Variants in ARHGAP27 observed in about 807,000 individuals in gnomAD.
The protein encoded by ARHGAP27 is rho GTPase-activating protein 27.
In ARHGAP27, 53 loss-of-function variants were observed where a neutral mutation model predicts 102.0. That is an observed-to-expected ratio of 0.52 (90% CI 0.42 to 0.65). The LOEUF (loss-of-function observed/expected upper bound fraction) is 0.65, where lower values mean the gene tolerates loss of function less well. ARHGAP27 is among the 30% of genes least tolerant of loss of function. ARHGAP27 has a pLI of 0.00. For synonymous variants in ARHGAP27, 525 were observed against 542.8 expected (o/e 0.97, Z 0.46); for missense variants, 1,117 against 1,256.2 (o/e 0.89, Z 1.68).
intron 14 of ARHGAP27, 23 bp from the exon 15 acceptor site, chr17:45,396,813 T>C (rs1479714045): frequency 1.2e-6 from 2 of 1,608,522 alleles, no homozygotes; most frequent in South Asian, 2.2e-5. Flanking sequence ...AAGGCAGGAC[T>C]GAGTCAGGAG....
intron 4 of ARHGAP27, among the ~76,000 whole-genome samples, chr17:45,424,105 C>T (rs1277137884): frequency 6.6e-6 from 1 of 152,184 alleles, no homozygotes; most frequent in East Asian, 1.9e-4. Context: ...CCCTGCCCCC[C>T]TCCTTTCATG....
intron 4 of ARHGAP27, among the ~76,000 whole-genome samples, chr17:45,416,794 G>A (rs1340995691): frequency 6.7e-6 from 1 of 149,136 alleles, no homozygotes; most frequent in Non-Finnish European, 1.5e-5. Context: ...TGATTCACCC[G>A]CCTCAGCCTC....
chr17:45,402,731 T>C lies in ARHGAP27; in HGVS notation c.1726A>G (p.Arg576Gly), dbSNP rs762924863. 5 of 1,612,938 alleles carry C rather than the reference T, an allele frequency of 3.1e-6. No homozygotes were observed. The highest frequency in any genetic ancestry group is 4.2e-6 in the Non-Finnish European group (5 of 1,179,014). The change falls in exon 12 of 20, where the codon AGG (arginine) becomes GGG (glycine). Residue 576 changes from arginine to glycine, a missense_variant. Physicochemically the swap from Arg to Gly is moderately radical, Grantham distance 125 (BLOSUM62 -2). Around this residue, in one of 3 missense-constraint regions of ARHGAP27, gnomAD observed 493 missense variants for 505.5 expected, o/e 0.98. Coordinates refer to ENST00000685559, the MANE Select transcript of ARHGAP27 (RefSeq NM_001282290.2). ...CCACTCACCTCCAGCACATTCTTCC[T>C]ACTGGATTTGTCTTTGGGGGCCCAG... The part of the protein sequence containing the change: ...LSWAPKDKSS[R>G]KNVLELRSRD...
At chr17:45,398,092 T>G (rs1450709889) in intron 12 of ARHGAP27, 45 bp from the exon 13 acceptor site, 2 of 1,528,414 alleles carry the variant, frequency 1.3e-6, no homozygotes, top group East Asian at 2.3e-5. Flanking sequence ...ACCCTGGGTC[T>G]GCCCTGGGGG....
At chr17:45,413,895 C>T (rs2048170938) in intron 4 of ARHGAP27, among the ~76,000 whole-genome samples, 1 of 152,124 alleles carries the variant, frequency 6.6e-6, no homozygotes, top group Non-Finnish European at 1.5e-5. Context: ...CACTTGAGGT[C>T]AGGAGTTTCA....
At chr17:45,410,981 C>T (rs1448630490) in intron 4 of ARHGAP27, among the ~76,000 whole-genome samples, 1 of 152,088 alleles carries the variant, frequency 6.6e-6, no homozygotes. Flanking sequence ...TCTGTCTCCT[C>T]CAGACTCGGT....
At position 45,396,971 on chromosome 17, in the gene ARHGAP27, C is replaced by G. The variant is rs755970723; in HGVS notation, c.1896G>C (p.Ser632=). ...ESESSRVDFG[S]SERLGSWQEK... ...CCTGCCAGCTTCCCAAGCGCTCGCT[C>G]GACCCGAAGTCCACTCTGCTGCTCT... The change falls in exon 14 of 20, where the codon TCG becomes TCC. Residue 632 remains serine (S), a synonymous_variant. Coordinates refer to ENST00000685559, the MANE Select transcript of ARHGAP27 (RefSeq NM_001282290.2). 3 of 1,605,496 alleles carry G rather than the reference C, an allele frequency of 1.9e-6. No individual in the cohort carries two copies. Among genetic ancestry groups the G allele is most frequent in the Non-Finnish European group, 2.5e-6 (3 of 1,179,962 alleles).
chr17:45,403,634 C>G lies in ARHGAP27; in HGVS notation c.1623G>C (p.Ser541=). ...CTGGCCTTACCAGGCCGCCTGCAGC[C>G]GAGGTCTTTGAGTCCTTGAAGAATG... ...VLTFFKDSKT[S]AAGGLRQPSK... The change falls in exon 11 of 20, where the codon TCG becomes TCC. Residue 541 remains serine (S), a synonymous_variant. Coordinates refer to ENST00000685559, the MANE Select transcript of ARHGAP27 (RefSeq NM_001282290.2). The G allele has an allele frequency of 6.2e-7, 1 of 1,613,926 alleles. No homozygotes were observed. The highest frequency in any genetic ancestry group is 8.5e-7 in the Non-Finnish European group (1 of 1,179,994).
rs373775213 is a variant in ARHGAP27 at position 45,403,640 on chromosome 17, C to G, written c.1617G>C (p.Lys539Asn). The G allele has an allele frequency of 1.2e-6, 2 of 1,613,880 alleles. No individual in the cohort carries two copies. The highest frequency in any genetic ancestry group is 1.7e-6 in the Non-Finnish European group (2 of 1,180,002). Reference protein sequence around the residue: ...GGVLTFFKDSKTSAAGGLRQP... With the variant: ...GGVLTFFKDSNTSAAGGLRQP... Reference sequence around the variant, plus strand: ...TTACCAGGCCGCCTGCAGCCGAGGTCTTTGAGTCCTTGAAGAATGTCAGGA... The same window carrying G: ...TTACCAGGCCGCCTGCAGCCGAGGTGTTTGAGTCCTTGAAGAATGTCAGGA... The change falls in exon 11 of 20, where the codon AAG becomes AAC. Residue 539 changes from lysine to asparagine, a missense_variant. By Grantham distance (94) the Lys-to-Asn change is moderately conservative. Coordinates refer to ENST00000685559, the MANE Select transcript of ARHGAP27 (RefSeq NM_001282290.2).
chr17:45,403,864 G>C (rs2046780974), intron 10 of ARHGAP27, 155 bp from the exon 11 acceptor site: 1 of 989,950 alleles, frequency 1.0e-6, no homozygotes, highest in African/African-American at 1.6e-5. Context: ...TAGCAGCCGA[G>C]GGACCTTGAG....
Position 45,429,853 on chromosome 17 carries a change from G to T in ARHGAP27, c.427C>A (p.Leu143Met). 1 of 1,346,148 alleles carries T rather than the reference G, an allele frequency of 7.4e-7. No individual in the cohort carries two copies. The allele number at this position is 1,346,148 out of a possible 1,614,324, so 83.4% of individuals were successfully genotyped here. A position where few individuals can be genotyped will look rare whatever the true frequency, so the allele number is the denominator to read the frequency against. ...ACGGGCGCCGCGGGCCGCAGGTACA[G>T]GCAGGCTGGCAGGCCGGGCGCCAGG... ...SSLAPGLPAC[L>M]YLRPAAPVRP... The change falls in exon 4 of 20, where the codon CTG becomes ATG. Residue 143 changes from leucine (L) to methionine (M), a missense_variant. Physicochemically the swap from Leu to Met is conservative, Grantham distance 15. Coordinates refer to ENST00000685559, the MANE Select transcript of ARHGAP27 (RefSeq NM_001282290.2).
At chr17:45,401,205 G>A (rs142040281) in intron 12 of ARHGAP27, among the ~76,000 whole-genome samples, 1 of 152,270 alleles carries the variant, frequency 6.6e-6, no homozygotes, top group Non-Finnish European at 1.5e-5. Context: ...CAGATGTGAT[G>A]GAACGCGCCT....
rs36233058 is a variant in ARHGAP27, at chr17:45,412,962, CTTTTTTTTTTTTTTT to C, written c.658-6894_658-6880del. On this transcript the variant is annotated intron_variant, in intron 4 of 19. Coordinates refer to ENST00000685559, the MANE Select transcript of ARHGAP27 (RefSeq NM_001282290.2). ...GTGTGGCACCACGGCTCAGTATAAT[CTTTTTTTTTTTTTTT>C]TTTTTTTTTTTTTTTTTTTTTTAAT... is the stretch of plus-strand genomic sequence containing the variant. Among the ~76,000 whole-genome samples, 291 of 41,126 alleles carry C rather than the reference CTTTTTTTTTTTTTTT, an allele frequency of 7.1e-3. 3 individuals carry two copies. The highest frequency in any genetic ancestry group is 0.021 in the African/African-American group (216 of 10,264). The allele number at this position is 41,126 out of a possible 152,430, so 27.0% of individuals were successfully genotyped here.
At chr17:45,411,118 C>A (rs2047861969) in intron 4 of ARHGAP27, among the ~76,000 whole-genome samples, 1 of 152,086 alleles carries the variant, frequency 6.6e-6, no homozygotes, top group Admixed American at 6.5e-5. Context: ...GAGAAGAGGG[C>A]CAGGCACCAG....
At chr17:45,397,280 G>A in intron 13 of ARHGAP27, 1 of 1,369,534 alleles carries the variant, frequency 7.3e-7, no homozygotes, top group Non-Finnish European at 9.4e-7. Context: ...TCCTATCCTG[G>A]GGACTCCTAC....
chr17:45,420,208 A>T (rs2048893732), intron 4 of ARHGAP27, among the ~76,000 whole-genome samples: 1 of 152,228 alleles, frequency 6.6e-6, no homozygotes, highest in South Asian at 2.1e-4. Flanking sequence ...GGTAAAATGG[A>T]TTATTTGTAG....
In ARHGAP27 at chr17:45,429,717, ACCCAGGAG is replaced by A. The variant is rs1180612407; in HGVS notation, c.555_562del (p.Ser186ValfsTer92). On this transcript the variant is annotated frameshift_variant, in exon 4 of 20. Transcript: ENST00000685559. LOFTEE classifies it high-confidence loss of function. ...GCTGCGCGCCAGAGGCCGCGGGCAC[ACCCAGGAG>A]CCCGCCACGCTGCAGGCCTTGAAGC... is the stretch of plus-strand genomic sequence containing the variant. 1 of 1,547,792 alleles carries A rather than the reference ACCCAGGAG, an allele frequency of 6.5e-7. No homozygotes were observed. The highest frequency in any genetic ancestry group is 1.7e-4 in the Middle Eastern group (1 of 5,940).
intron 4 of ARHGAP27, among the ~76,000 whole-genome samples, chr17:45,415,147 C>T (rs1434526096): frequency 1.3e-5 from 2 of 151,804 alleles, no homozygotes; most frequent in Non-Finnish European, 2.9e-5. Flanking sequence ...TCCCTTCCTC[C>T]TTTTTGAGCC....
At chr17:45,412,806 AG>A (rs1002638886) in intron 4 of ARHGAP27, among the ~76,000 whole-genome samples, 2 of 152,078 alleles carry the variant, frequency 1.3e-5, no homozygotes, top group African/African-American at 4.8e-5. Flanking sequence ...CCTGGGCCTC[AG>A]GCCTCAGTAG....
Sources: gnomAD v4.1 joint callset for allele counts (sites outside exome capture counted in the v4.1 genomes callset) on GRCh38, gnomAD v4.1.1 for gene constraint, gnomAD v4.1.1 regional missense constraint, MANE v1.5 for transcripts, NCBI Gene and HGNC (gene_info 2026-07-23, HGNC 2026-07-21) for gene names.